KIAA0825: variants seen among roughly 807,000 people sequenced by gnomAD.
KIAA0825 encodes uncharacterized protein KIAA0825.
Under a neutral mutation model 147.6 loss-of-function variants are expected in KIAA0825, and 119 were observed. The observed-to-expected ratio is 0.81, with a 90% CI of 0.69 to 0.94. The LOEUF is 0.94. Among genes scored for constraint, KIAA0825 ranks in the 40% least tolerant of loss-of-function variants. The pLI is 0.00. For synonymous variants in KIAA0825, 470 were observed against 518.1 expected (o/e 0.91, Z 1.26); for missense variants, 1,381 against 1,472.7 (o/e 0.94, Z 1.02).
chr5:94,333,634 G>A (rs1183750187), intron 20 of KIAA0825, among the ~76,000 whole-genome samples: 2 of 152,092 alleles, frequency 1.3e-5, no homozygotes, highest in East Asian at 1.9e-4. Context: ...CTGTAGCCTT[G>A]TAGTATAGTT....
intron 20 of KIAA0825, among the ~76,000 whole-genome samples, chr5:94,312,933 C>T (rs912022124): frequency 4.0e-5 from 6 of 151,488 alleles, no homozygotes; most frequent in Middle Eastern, 3.4e-3. Context: ...CTGAAGGACA[C>T]GAATCAAAAT....
At chr5:94,375,760 C>T (rs561211476) in intron 20 of KIAA0825, among the ~76,000 whole-genome samples, 7 of 152,150 alleles carry the variant, frequency 4.6e-5, no homozygotes, top group East Asian at 1.9e-4. Context: ...GGAGCTTGAA[C>T]GGGGGGAGAC....
At position 94,345,760 on chromosome 5, in the gene KIAA0825, G is replaced by A. The variant is rs184439304; in HGVS notation, c.3710+38608C>T. Among the ~76,000 whole-genome samples, 148 of 152,098 alleles carry A rather than the reference G, an allele frequency of 9.7e-4. 4 individuals are homozygous for A. In the East Asian group the frequency reaches 0.019, roughly 20 times the overall value. On this transcript the variant is annotated intron_variant, in intron 20 of 20. Transcript: ENST00000682413. ...GCAGACAAAACCCCTCAGACACCAA[G>A]TTAAAGAAGGAAGGGCTTTATTCAG...
chr5:94,202,453 C>T (rs191827356), intron 20 of KIAA0825, among the ~76,000 whole-genome samples: 124 of 152,256 alleles, frequency 8.1e-4, no homozygotes, highest in African/African-American at 2.5e-3. Context: ...ATTATACCAG[C>T]GGTGTGGCTA....
rs1246727636 is a variant in KIAA0825 at position 94,403,652 on chromosome 5, A to G, written c.2804T>C (p.Ile935Thr). ...GCTCTCAAGCAAACAATCAGGAACA[A>G]TGTGCTTGTTTAGGTTTGTCTCACA... ...RNCETNLNKH[I>T]VPDCLLESMP... The change falls in exon 16 of 21, where the codon ATT becomes ACT. Residue 935 changes from isoleucine to threonine, a missense_variant. Physicochemically the swap from Ile to Thr is moderately conservative, Grantham distance 89. Coordinates refer to ENST00000682413, the MANE Select transcript of KIAA0825 (RefSeq NM_001145678.3). 1 of 1,551,584 alleles carries G rather than the reference A, an allele frequency of 6.4e-7. No individual in the cohort carries two copies. Among genetic ancestry groups the G allele is most frequent in the Admixed American group, 2.0e-5 (1 of 50,994 alleles).
chr5:94,332,326 C>T (rs533883023), intron 20 of KIAA0825, among the ~76,000 whole-genome samples: 20 of 151,766 alleles, frequency 1.3e-4, no homozygotes, highest in South Asian at 1.0e-3. Context: ...TTGCTACACC[C>T]ATCAACACGT....
chr5:94,515,598 C>T (rs958787485), intron 5 of KIAA0825, among the ~76,000 whole-genome samples: 1 of 151,756 alleles, frequency 6.6e-6, no homozygotes, highest in Non-Finnish European at 1.5e-5. Flanking sequence ...TTGAGACCAG[C>T]TTGGCCAGAA....
chr5:94,233,551 C>T (rs1313159981), intron 20 of KIAA0825, among the ~76,000 whole-genome samples: 1 of 151,980 alleles, frequency 6.6e-6, no homozygotes, highest in Non-Finnish European at 1.5e-5. Context: ...TTTTTGAAAG[C>T]CTGTATCTTA....
At chr5:94,591,048 T>G (rs1438706553) in intron 1 of KIAA0825, among the ~76,000 whole-genome samples, 1 of 152,206 alleles carries the variant, frequency 6.6e-6, no homozygotes, top group African/African-American at 2.4e-5. Context: ...TACATTTTCC[T>G]TCTGTCCCTC....
At chr5:94,400,301 T>C (rs1751214192) in intron 16 of KIAA0825, among the ~76,000 whole-genome samples, 1 of 152,190 alleles carries the variant, frequency 6.6e-6, no homozygotes, top group South Asian at 2.1e-4. Flanking sequence ...TTTTACATCA[T>C]GTTAGAAAAT....
intron 20 of KIAA0825, among the ~76,000 whole-genome samples, chr5:94,378,074 TA>T (rs1747839897): frequency 6.6e-6 from 1 of 152,192 alleles, no homozygotes; most frequent in Non-Finnish European, 1.5e-5. Flanking sequence ...AAAATTTACA[TA>T]AAAATAATAA....
At chr5:94,279,333 G>C (rs1047926691) in intron 20 of KIAA0825, among the ~76,000 whole-genome samples, 3 of 152,024 alleles carry the variant, frequency 2.0e-5, no homozygotes, top group Non-Finnish European at 4.4e-5. Flanking sequence ...TCTAGCTCAT[G>C]GTCTTGATTT....
chr5:94,303,138 A>G (rs1450785811), intron 20 of KIAA0825, among the ~76,000 whole-genome samples: 2 of 151,962 alleles, frequency 1.3e-5, no homozygotes, highest in Non-Finnish European at 2.9e-5. Flanking sequence ...CTTTTTTACC[A>G]CACACAATTT....
At chr5:94,377,899 T>C (rs139643794) in intron 20 of KIAA0825, among the ~76,000 whole-genome samples, 14 of 152,318 alleles carry the variant, frequency 9.2e-5, no homozygotes, top group African/African-American at 3.4e-4. Flanking sequence ...AGTTTTCTAC[T>C]TGCATTTTTT....
intron 20 of KIAA0825, among the ~76,000 whole-genome samples, chr5:94,374,725 C>T (rs1049274675): frequency 3.3e-5 from 5 of 152,184 alleles, no homozygotes; most frequent in Admixed American, 2.6e-4. Flanking sequence ...ACTCTTCCTC[C>T]CCAATCCTCC....
At chr5:94,308,610 C>G (rs879494293) in intron 20 of KIAA0825, among the ~76,000 whole-genome samples, 1 of 151,770 alleles carries the variant, frequency 6.6e-6, no homozygotes, top group African/African-American at 2.4e-5. Context: ...AAAGATTACT[C>G]ATGTTTTAAA....
At chr5:94,570,122 C>G (rs1436916117) in intron 2 of KIAA0825, 1 of 152,370 alleles carries the variant, frequency 6.6e-6, no homozygotes, top group Non-Finnish European at 1.5e-5. Context: ...CTTAACAACC[C>G]TACACCTTCT....
intron 20 of KIAA0825, among the ~76,000 whole-genome samples, chr5:94,333,526 C>T (rs1781491593): frequency 6.6e-6 from 1 of 152,110 alleles, no homozygotes; most frequent in South Asian, 2.1e-4. Context: ...TGTCAAAGAT[C>T]AGATGGTTGT....
rs187761998 is a variant in KIAA0825, at chr5:94,191,812, A to T, written c.3711-37688T>A. On this transcript the variant is annotated intron_variant, in intron 20 of 20. Coordinates refer to ENST00000682413, the MANE Select transcript of KIAA0825 (RefSeq NM_001145678.3). ...GCAAACCTATTCATCTGAAATCAGC[A>T]TGACTGTGGAAACTTTACCTCCACC... Among the ~76,000 whole-genome samples, 118 of 152,360 alleles carry T rather than the reference A, an allele frequency of 7.7e-4. 1 individual carries two copies. Among genetic ancestry groups the T allele is most frequent in the African/African-American group, 2.7e-3 (114 of 41,594 alleles).
Sources: allele counts gnomAD v4.1 joint callset (sites outside exome capture counted in the v4.1 genomes callset), GRCh38; gene constraint gnomAD v4.1.1; transcripts MANE v1.5; gene names NCBI Gene and HGNC (gene_info 2026-07-23, HGNC 2026-07-21).